SNTG1: variants seen among roughly 807,000 people sequenced by gnomAD.
SNTG1 encodes the protein gamma-1-syntrophin.
In SNTG1, 39 loss-of-function variants were observed where a neutral mutation model predicts 74.7. The observed-to-expected ratio is 0.52, with a 90% CI of 0.40 to 0.68. The LOEUF (loss-of-function observed/expected upper bound fraction) is 0.68. Ranked by LOEUF, SNTG1 falls within the 30% of genes least tolerant of loss-of-function variation. The probability of loss-of-function intolerance (pLI) is 0.00; values close to 1 mark genes in which losing one functional copy is unlikely to be tolerated. For missense variants in SNTG1, 685 were observed against 609.5 expected (o/e 1.12, Z -1.30); for synonymous variants, 254 against 217.1 (o/e 1.17, Z -1.49).
intron 1 of SNTG1, among the ~76,000 whole-genome samples, chr8:50,001,976 A>T (rs936513277): frequency 2.0e-5 from 3 of 152,190 alleles, no homozygotes; most frequent in African/African-American, 7.2e-5. Flanking sequence ...CTGACGAATC[A>T]GGCTGGGAAG....
chr8:50,503,365 A>G (rs1213682568), intron 9 of SNTG1, among the ~76,000 whole-genome samples: 1 of 152,236 alleles, frequency 6.6e-6, no homozygotes, highest in Non-Finnish European at 1.5e-5. Context: ...CTAAAATGAA[A>G]TGTATATTAT....
chr8:50,538,960 T>C (rs2094327036), intron 11 of SNTG1, among the ~76,000 whole-genome samples: 1 of 152,206 alleles, frequency 6.6e-6, no homozygotes, highest in Admixed American at 6.5e-5. Context: ...AACTCTGCTC[T>C]TCAGCCAATT....
At chr8:50,163,241 A>G (rs79343873) in intron 1 of SNTG1, among the ~76,000 whole-genome samples, 7,293 of 152,282 alleles carry the variant, frequency 0.048, 205 homozygotes, top group Middle Eastern at 0.092. Context: ...CGTTTCACCC[A>G]CAGAAACTAA....
chr8:50,043,295 C>G (rs1818799216), intron 1 of SNTG1, among the ~76,000 whole-genome samples: 1 of 152,072 alleles, frequency 6.6e-6, no homozygotes. Flanking sequence ...TAGATGATGT[C>G]CACATACAGA....
intron 8 of SNTG1, among the ~76,000 whole-genome samples, chr8:50,454,244 C>T (rs1434821726): frequency 6.6e-6 from 1 of 152,156 alleles, no homozygotes; most frequent in East Asian, 1.9e-4. Flanking sequence ...TGCCTGTAAT[C>T]CCAGCACTTT....
At position 50,796,630 on chromosome 8, in the gene SNTG1, A is replaced by G. The variant is rs1802823268; in HGVS notation, c.*3801A>G. The G allele has an allele frequency of 6.6e-6, 1 of 152,026 alleles. No homozygotes were observed. Among genetic ancestry groups the G allele is most frequent in the Non-Finnish European group, 1.5e-5 (1 of 67,922 alleles). The allele number at this position is 152,026 out of a possible 1,614,324, so 9.4% of individuals were successfully genotyped here. On this transcript the variant is annotated 3_prime_UTR_variant, in exon 19 of 19. Coordinates refer to ENST00000642720, the MANE Select transcript of SNTG1 (RefSeq NM_018967.5). Reference sequence around the variant, plus strand: ...TCTTTCAGTTCATTAATGTACTACTAATGAAACCATACTTTTTTAAATGAA... The same window carrying G: ...TCTTTCAGTTCATTAATGTACTACTGATGAAACCATACTTTTTTAAATGAA...
intron 2 of SNTG1, among the ~76,000 whole-genome samples, chr8:50,263,477 A>G (rs1185454877): frequency 6.6e-6 from 1 of 152,168 alleles, no homozygotes; most frequent in East Asian, 1.9e-4. Context: ...TAGGAGACAC[A>G]ACTTAGATTC....
intron 1 of SNTG1, among the ~76,000 whole-genome samples, chr8:50,022,824 G>A (rs1417664664): frequency 6.6e-6 from 1 of 152,106 alleles, no homozygotes; most frequent in Admixed American, 6.6e-5. Flanking sequence ...TGAGGGTGTG[G>A]ACCTTGACTT....
At chr8:50,422,148 A>G (rs1205507000) in intron 4 of SNTG1, among the ~76,000 whole-genome samples, 1 of 152,202 alleles carries the variant, frequency 6.6e-6, no homozygotes, top group Non-Finnish European at 1.5e-5. Context: ...ACAGGCTAAT[A>G]AGACCACTTC....
chr8:50,609,587 G>A (rs758352110), intron 13 of SNTG1, among the ~76,000 whole-genome samples: 2 of 151,896 alleles, frequency 1.3e-5, no homozygotes, highest in Non-Finnish European at 2.9e-5. Flanking sequence ...AGTTTTTAAA[G>A]TTGTCAATTA....
At chr8:50,615,020 C>T (rs979951438) in intron 13 of SNTG1, among the ~76,000 whole-genome samples, 66 of 150,914 alleles carry the variant, frequency 4.4e-4, no homozygotes, top group African/African-American at 1.5e-3. Context: ...TCGGCTCACT[C>T]CAAGCTCTGC....
At chr8:50,206,092 C>T (rs1038414230) in intron 2 of SNTG1, among the ~76,000 whole-genome samples, 13 of 152,048 alleles carry the variant, frequency 8.5e-5, no homozygotes, top group African/African-American at 1.4e-4. Flanking sequence ...TAGTTTTTTC[C>T]GATTCTGTGA....
chr8:49,995,184 A>G (rs1257230968), intron 1 of SNTG1, among the ~76,000 whole-genome samples: 1 of 152,212 alleles, frequency 6.6e-6, no homozygotes, highest in Non-Finnish European at 1.5e-5. Context: ...ACTCTGGTGA[A>G]GAGTTCAACA....
chr8:50,586,194 T>A (rs1477345186), intron 12 of SNTG1, among the ~76,000 whole-genome samples: 1 of 152,206 alleles, frequency 6.6e-6, no homozygotes, highest in African/African-American at 2.4e-5. Context: ...GCACTTCTTA[T>A]CTTCAAAGGG....
At position 50,197,096 on chromosome 8, in the gene SNTG1, A is replaced by G. The variant is rs968746920; in HGVS notation, c.-28+24461A>G. On this transcript the variant is annotated intron_variant, in intron 2 of 18. Coordinates refer to ENST00000642720, the MANE Select transcript of SNTG1 (RefSeq NM_018967.5). The stretch of plus-strand genomic sequence containing the variant: ...TACTTGGTTTATTTTCTTGAAAAGT[A>G]GGAACTGGAAGAGTACCGAAATTTA... Among the ~76,000 whole-genome samples the G allele has an allele frequency of 3.9e-5, 6 of 152,318 alleles. No homozygotes were observed. The East Asian group carries it at 1.2e-3, about 29-fold the overall frequency.
In SNTG1 at chr8:50,070,516, T is replaced by C. The variant is rs570450286; in HGVS notation, c.-102-102045T>C. The stretch of plus-strand genomic sequence containing the variant: ...CAGATGACATAAATACCCATGCACC[T>C]GTGAATTACTGGTCAGGCCAAATGA... On this transcript the variant is annotated intron_variant, in intron 1 of 18. Transcript: ENST00000642720. Among the ~76,000 whole-genome samples the C allele has an allele frequency of 7.9e-5, 12 of 152,322 alleles. 1 individual carries two copies. The South Asian group carries it at 2.5e-3, about 32-fold the overall frequency.
At chr8:50,708,769 T>C (rs1372474985) in intron 16 of SNTG1, 117 bp from the exon 17 acceptor site, 1 of 604,398 alleles carries the variant, frequency 1.7e-6, no homozygotes, top group Non-Finnish European at 2.9e-6. Flanking sequence ...ATACAATTAT[T>C]GTTAATATTA....
chr8:50,117,959 G>A (rs1202063051), intron 1 of SNTG1, among the ~76,000 whole-genome samples: 1 of 152,122 alleles, frequency 6.6e-6, no homozygotes, highest in African/African-American at 2.4e-5. Flanking sequence ...AAAGCTATGT[G>A]AAGTTGGCCC....
At chr8:50,194,204 C>T (rs184502649) in intron 2 of SNTG1, among the ~76,000 whole-genome samples, 78 of 152,182 alleles carry the variant, frequency 5.1e-4, no homozygotes, top group Non-Finnish European at 1.1e-3. Context: ...AGGGAGGTTT[C>T]CTTCTTCCTC....
Sources: gnomAD v4.1 joint callset for allele counts (sites outside exome capture counted in the v4.1 genomes callset) on GRCh38, gnomAD v4.1.1 for gene constraint, MANE v1.5 for transcripts, NCBI Gene and HGNC (gene_info 2026-07-23, HGNC 2026-07-21) for gene names.